ANGPT1: variants seen among roughly 807,000 people sequenced by gnomAD.
The protein encoded by ANGPT1 is angiopoietin-1.
Under a neutral mutation model 62.2 loss-of-function variants are expected in ANGPT1, and 17 were observed. The observed-to-expected ratio is 0.27, with a 90% confidence interval of 0.19 to 0.41. The LOEUF is 0.41. Among genes scored for constraint, ANGPT1 ranks in the 10% least tolerant of loss-of-function variants. The pLI is 1.00. For synonymous variants in ANGPT1, 199 were observed against 198.9 expected (o/e 1.00, Z 0.00); for missense variants, 478 against 594.9 (o/e 0.80, Z 2.04).
intron 2 of ANGPT1, among the ~76,000 whole-genome samples, chr8:107,338,586 C>A (rs1815626003): frequency 6.6e-6 from 1 of 152,204 alleles, no homozygotes; most frequent in East Asian, 1.9e-4. Context: ...TGTACTACTA[C>A]TAATCATATT....
At chr8:107,333,980 G>T (rs59336428) in intron 3 of ANGPT1, among the ~76,000 whole-genome samples, 1 of 69,214 alleles carries the variant, frequency 1.4e-5, no homozygotes, top group Non-Finnish European at 3.0e-5. Context: ...AAAGGAGGGA[G>T]GGAGGGAGGG....
chr8:107,412,227 G>T (rs1654750), intron 1 of ANGPT1, among the ~76,000 whole-genome samples: 113,049 of 151,346 alleles, frequency 0.75, 42,919 homozygotes, highest in East Asian at 0.84. Flanking sequence ...TCAGTTAAAA[G>T]TGACCTAAAT....
intron 1 of ANGPT1, among the ~76,000 whole-genome samples, chr8:107,485,714 G>A (rs933870181): frequency 3.3e-5 from 5 of 152,202 alleles, no homozygotes; most frequent in Admixed American, 6.5e-5. Context: ...ACAAAAGGAA[G>A]TGCAGGCAAA....
chr8:107,280,081 G>C (rs1813964729), intron 7 of ANGPT1, among the ~76,000 whole-genome samples: 1 of 152,096 alleles, frequency 6.6e-6, no homozygotes, highest in Admixed American at 6.6e-5. Flanking sequence ...TGGATTCTGA[G>C]GGGCTCTTCA....
Position 107,383,950 on chromosome 8 carries a change from C to T in ANGPT1, c.298-36853G>A, listed in dbSNP as rs140642721. Reference sequence around the variant, plus strand: ...CTAATGAAATTTTCAGAAGGAGACACATTAGGCACCTGTAGCTGATATTAT... The same window carrying T: ...CTAATGAAATTTTCAGAAGGAGACATATTAGGCACCTGTAGCTGATATTAT... On this transcript the variant is annotated intron_variant, in intron 1 of 8. Transcript: ENST00000517746. Among the ~76,000 whole-genome samples the T allele has an allele frequency of 3.0e-4, 46 of 152,270 alleles. No individual in the cohort carries two copies. In the East Asian group the frequency reaches 8.3e-3, roughly 27 times the overall value.
chr8:107,461,535 T>C (rs1812071534), intron 1 of ANGPT1, among the ~76,000 whole-genome samples: 1 of 152,076 alleles, frequency 6.6e-6, no homozygotes, highest in Non-Finnish European at 1.5e-5. Flanking sequence ...TTTTGTCACC[T>C]AAAATAATAA....
chr8:107,365,545 G>A (rs1816254135), intron 1 of ANGPT1, among the ~76,000 whole-genome samples: 1 of 152,114 alleles, frequency 6.6e-6, no homozygotes, highest in Non-Finnish European at 1.5e-5. Context: ...TGGGCATGAA[G>A]CAATAAGCTG....
chr8:107,290,078 T>C (rs1814237262), intron 6 of ANGPT1, among the ~76,000 whole-genome samples: 1 of 152,134 alleles, frequency 6.6e-6, no homozygotes, highest in Non-Finnish European at 1.5e-5. Flanking sequence ...AAGTGACAGC[T>C]AAGCTTAGGT....
intron 1 of ANGPT1, among the ~76,000 whole-genome samples, chr8:107,375,276 A>C (rs1043558395): frequency 6.6e-5 from 10 of 152,238 alleles, no homozygotes; most frequent in African/African-American, 2.4e-4. Flanking sequence ...GGTTGTTGAA[A>C]ACCCTTAACA....
At chr8:107,326,565 C>A (rs1300876945) in intron 3 of ANGPT1, among the ~76,000 whole-genome samples, 1 of 152,002 alleles carries the variant, frequency 6.6e-6, no homozygotes, top group Non-Finnish European at 1.5e-5. Context: ...TTGATTCCTC[C>A]CATTTATTGG....
intron 1 of ANGPT1, among the ~76,000 whole-genome samples, chr8:107,468,345 A>T (rs1006372394): frequency 3.3e-5 from 5 of 152,088 alleles, no homozygotes; most frequent in African/African-American, 1.2e-4. Flanking sequence ...AGTAAAAATC[A>T]ATCAAATAAT....
At chr8:107,307,261 TC>T (rs1204362892) in intron 4 of ANGPT1, among the ~76,000 whole-genome samples, 1 of 152,078 alleles carries the variant, frequency 6.6e-6, no homozygotes, top group Non-Finnish European at 1.5e-5. Context: ...CCATTTGGCA[TC>T]CCTGGTCTCT....
At chr8:107,406,699 T>C (rs1220337904) in intron 1 of ANGPT1, among the ~76,000 whole-genome samples, 1 of 152,028 alleles carries the variant, frequency 6.6e-6, no homozygotes, top group African/African-American at 2.4e-5. Context: ...TGTGCTCCCT[T>C]TTTGTCGTTT....
intron 8 of ANGPT1, among the ~76,000 whole-genome samples, chr8:107,252,885 C>G (rs1294575767): frequency 1.3e-5 from 2 of 152,114 alleles, no homozygotes; most frequent in Non-Finnish European, 1.5e-5. Flanking sequence ...GAGATTTATG[C>G]CAGAGACATT....
At chr8:107,411,343 G>T (rs764102557) in intron 1 of ANGPT1, among the ~76,000 whole-genome samples, 2 of 152,086 alleles carry the variant, frequency 1.3e-5, no homozygotes, top group Non-Finnish European at 1.5e-5. Flanking sequence ...AATAAACATT[G>T]TTTGTTTGGT....
chr8:107,452,052 G>A (rs1463010312), intron 1 of ANGPT1, among the ~76,000 whole-genome samples: 1 of 151,708 alleles, frequency 6.6e-6, no homozygotes, highest in Non-Finnish European at 1.5e-5. Context: ...ATGTGTATGT[G>A]TGTGTCTTAG....
chr8:107,325,266 G>T (rs139003656), intron 3 of ANGPT1, among the ~76,000 whole-genome samples: 2 of 152,132 alleles, frequency 1.3e-5, no homozygotes, highest in Non-Finnish European at 2.9e-5. Context: ...AATTAACCAC[G>T]ACCAGTGTCT....
At chr8:107,380,265 T>C (rs1305895731) in intron 1 of ANGPT1, among the ~76,000 whole-genome samples, 2 of 152,102 alleles carry the variant, frequency 1.3e-5, no homozygotes, top group African/African-American at 2.4e-5. Context: ...TTTGATTCTA[T>C]TCACAAGGCA....
chr8:107,403,192 CA>C (rs1369835766), intron 1 of ANGPT1, among the ~76,000 whole-genome samples: 2 of 152,058 alleles, frequency 1.3e-5, no homozygotes, highest in Admixed American at 6.6e-5. Flanking sequence ...CTCATGGTCA[CA>C]AGACAGCTCC....
Sources: allele counts gnomAD v4.1 joint callset (sites outside exome capture counted in the v4.1 genomes callset), GRCh38; gene constraint gnomAD v4.1.1; transcripts MANE v1.5; gene names NCBI Gene and HGNC (gene_info 2026-07-23, HGNC 2026-07-21).